The following PLXNA4 variants were observed in gnomAD, a reference collection of about 807,000 sequenced individuals.
PLXNA4 encodes plexin A4, also known as plexin-A4.
PLXNA4 carries 44 observed loss-of-function variants against 191.8 expected under a neutral mutation model. The observed-to-expected ratio is 0.23, with a 90% CI of 0.18 to 0.29. The LOEUF (loss-of-function observed/expected upper bound fraction) is 0.29. PLXNA4 is among the 10% of genes least tolerant of loss of function. PLXNA4 has a pLI of 1.00. For missense variants in PLXNA4, 1,800 were observed against 2,488.8 expected, an observed-to-expected ratio of 0.72 and a Z score of 5.89; for synonymous variants, 1,082 against 1,009.5, an observed-to-expected ratio of 1.07 and a Z score of -1.36.
intron 2 of PLXNA4, among the ~76,000 whole-genome samples, chr7:132,642,186 C>A (rs192313903): frequency 5.3e-5 from 8 of 152,064 alleles, no homozygotes; most frequent in Non-Finnish European, 8.8e-5. Flanking sequence ...AGGTAATAAA[C>A]CCTTCTGTAT....
chr7:132,629,920 G>A (rs935987424), intron 2 of PLXNA4, among the ~76,000 whole-genome samples: 22 of 151,854 alleles, frequency 1.4e-4, no homozygotes, highest in African/African-American at 4.4e-4. Context: ...CGCAATCTCC[G>A]CTCACTGCAA....
intron 2 of PLXNA4, among the ~76,000 whole-genome samples, chr7:132,594,857 T>G (rs966796220): frequency 6.6e-6 from 1 of 151,892 alleles, no homozygotes; most frequent in Non-Finnish European, 1.5e-5. Context: ...CTAGAAAGTA[T>G]GGAGATTTCT....
intron 3 of PLXNA4, among the ~76,000 whole-genome samples, chr7:132,481,597 C>T (rs1450122857): frequency 1.3e-5 from 2 of 152,170 alleles, no homozygotes; most frequent in Non-Finnish European, 2.9e-5. Flanking sequence ...GGTGCCTACA[C>T]GGTGTTCAAA....
At chr7:132,170,352 T>C (rs1796246793) in intron 21 of PLXNA4, among the ~76,000 whole-genome samples, 1 of 151,702 alleles carries the variant, frequency 6.6e-6, no homozygotes, top group Admixed American at 6.6e-5. Context: ...TGGAAGGAGG[T>C]CATAAATCCC....
At chr7:132,322,694 G>T (rs867932333) in intron 3 of PLXNA4, among the ~76,000 whole-genome samples, 31 of 152,180 alleles carry the variant, frequency 2.0e-4, no homozygotes, top group Non-Finnish European at 3.2e-4. Context: ...CATTTAGTTG[G>T]AGACACTCAT....
chr7:132,161,062 C>G (rs1795935109), intron 24 of PLXNA4, among the ~76,000 whole-genome samples: 1 of 152,206 alleles, frequency 6.6e-6, no homozygotes, highest in African/African-American at 2.4e-5. Context: ...TTCTAAGAGT[C>G]TTCTGGCCCC....
chr7:132,311,018 G>C (rs1563027359), intron 3 of PLXNA4, among the ~76,000 whole-genome samples: 1 of 152,174 alleles, frequency 6.6e-6, no homozygotes, highest in African/African-American at 2.4e-5. Flanking sequence ...CCTGACTTCT[G>C]GCAGAAATGA....
At chr7:132,305,361 A>AACACACACACACACAC (rs57158164) in intron 3 of PLXNA4, among the ~76,000 whole-genome samples, 208 of 131,172 alleles carry the variant, frequency 1.6e-3, no homozygotes, top group South Asian at 5.1e-3. Flanking sequence ...GCTTACCAAG[A>AACACACACACACACAC]ACACACACAC....
chr7:132,354,790 T>G (rs1803633552), intron 3 of PLXNA4, among the ~76,000 whole-genome samples: 1 of 152,126 alleles, frequency 6.6e-6, no homozygotes, highest in African/African-American at 2.4e-5. Flanking sequence ...TGGTAGGAAG[T>G]TTCACAAGGG....
At chr7:132,151,725 C>G (rs532610903) in intron 25 of PLXNA4, among the ~76,000 whole-genome samples, 3 of 152,136 alleles carry the variant, frequency 2.0e-5, no homozygotes, top group Non-Finnish European at 4.4e-5. Flanking sequence ...AGAGCCCAGA[C>G]TGACGGGCAG....
At chr7:132,312,291 A>C (rs996784827) in intron 3 of PLXNA4, among the ~76,000 whole-genome samples, 6 of 152,184 alleles carry the variant, frequency 3.9e-5, no homozygotes, top group Non-Finnish European at 8.8e-5. Flanking sequence ...CAGTTATTAC[A>C]ATTATTTATG....
chr7:132,460,042 A>C lies in PLXNA4; in HGVS notation c.1371+29250T>G, dbSNP rs375160974. ...AGCAAGAATACTTATGGCTGTGTAC[A>C]ATTCAGATACAACTGTTTAAATTCC... On this transcript the variant is annotated intron_variant, in intron 3 of 31. Transcript: ENST00000321063. Among the ~76,000 whole-genome samples, 43 of 152,080 alleles carry C rather than the reference A, an allele frequency of 2.8e-4. 2 individuals carry two copies. Among genetic ancestry groups the C allele is most frequent in the African/African-American group, 1.0e-3 (43 of 41,492 alleles).
intron 4 of PLXNA4, among the ~76,000 whole-genome samples, chr7:132,286,140 C>A (rs1446229188): frequency 6.6e-6 from 1 of 152,218 alleles, no homozygotes; most frequent in Non-Finnish European, 1.5e-5. Flanking sequence ...CTTTTCAACA[C>A]CCTTCAAGCT....
intron 16 of PLXNA4, among the ~76,000 whole-genome samples, 186 bp downstream of exon 16, chr7:132,185,113 A>C (rs1796833206): frequency 6.6e-6 from 1 of 152,198 alleles, no homozygotes; most frequent in Non-Finnish European, 1.5e-5. Context: ...GGTTTGGCAC[A>C]GAGGTGCTCT....
chr7:132,555,329 G>A (rs960099440), intron 1 of PLXNA4, among the ~76,000 whole-genome samples: 3 of 152,164 alleles, frequency 2.0e-5, no homozygotes, highest in Non-Finnish European at 4.4e-5. Flanking sequence ...CCAGCCACCT[G>A]CTCTTCTTCC....
chr7:132,573,730 G>A (rs964944953), intron 1 of PLXNA4, among the ~76,000 whole-genome samples: 19 of 152,198 alleles, frequency 1.2e-4, no homozygotes, highest in Non-Finnish European at 2.4e-4. Context: ...CATCCAGGAG[G>A]AAGTCCTGGG....
intron 16 of PLXNA4, among the ~76,000 whole-genome samples, chr7:132,183,370 T>G (rs1398293614): frequency 1.3e-5 from 2 of 152,178 alleles, no homozygotes; most frequent in Non-Finnish European, 2.9e-5. Flanking sequence ...ATGCCCACCA[T>G]CACTGTTCAC....
At chr7:132,601,503 C>T (rs7795640) in intron 2 of PLXNA4, among the ~76,000 whole-genome samples, 1,751 of 152,172 alleles carry the variant, frequency 0.012, 34 homozygotes, top group African/African-American at 0.04. Flanking sequence ...GTCTTTTTTC[C>T]TCCCCTTTCT....
intron 3 of PLXNA4, among the ~76,000 whole-genome samples, chr7:132,322,391 C>A (rs183041746): frequency 1.3e-5 from 2 of 152,242 alleles, no homozygotes; most frequent in East Asian, 3.9e-4. Context: ...CCATGCTAGC[C>A]AGGCTGGTCT....
Sources: allele counts gnomAD v4.1 joint callset (sites outside exome capture counted in the v4.1 genomes callset), GRCh38; gene constraint gnomAD v4.1.1; transcripts MANE v1.5; gene names NCBI Gene and HGNC (gene_info 2026-07-23, HGNC 2026-07-21).